CFAP61: variants seen among roughly 807,000 people sequenced by gnomAD.
The protein encoded by CFAP61 is cilia- and flagella-associated protein 61.
A neutral mutation model predicts 135.6 loss-of-function variants in CFAP61; 107 were observed. That is an observed-to-expected ratio of 0.79 (90% CI 0.67 to 0.93). The LOEUF (loss-of-function observed/expected upper bound fraction) is 0.93. CFAP61 is among the 40% of genes least tolerant of loss of function. CFAP61 has a pLI of 0.00. For missense variants in CFAP61, 1,507 were observed against 1,556.2 expected (o/e 0.97, Z 0.53); for synonymous variants, 575 against 578.5 (o/e 0.99, Z 0.09).
intron 18 of CFAP61, among the ~76,000 whole-genome samples, chr20:20,230,614 G>GCAATCT (rs2049057814): frequency 6.6e-6 from 1 of 152,122 alleles, no homozygotes; most frequent in South Asian, 2.1e-4. Flanking sequence ...AGTGTATGGA[G>GCAATCT]CAATCTCGGT....
chr20:20,352,340 G>T (rs1306683283), intron 26 of CFAP61, among the ~76,000 whole-genome samples: 1 of 151,806 alleles, frequency 6.6e-6, no homozygotes, highest in Non-Finnish European at 1.5e-5. Context: ...CCACTATCAT[G>T]AGGACAGCAT....
At chr20:20,338,662 C>G (rs548345974) in intron 25 of CFAP61, among the ~76,000 whole-genome samples, 1 of 152,328 alleles carries the variant, frequency 6.6e-6, no homozygotes, top group African/African-American at 2.4e-5. Flanking sequence ...TACCACTTCT[C>G]TTTCCCCGTA....
intron 8 of CFAP61, among the ~76,000 whole-genome samples, chr20:20,105,553 G>A (rs530410583): frequency 6.6e-6 from 1 of 152,160 alleles, no homozygotes; most frequent in Non-Finnish European, 1.5e-5. Flanking sequence ...GACAGTGGCA[G>A]CAAAGTCGGC....
chr20:20,287,565 G>C (rs904133547), intron 22 of CFAP61, among the ~76,000 whole-genome samples: 7 of 152,160 alleles, frequency 4.6e-5, no homozygotes, highest in Non-Finnish European at 1.0e-4. Flanking sequence ...TCATGGGTGT[G>C]GGGCAGGAAT....
rs146175127 is a variant in CFAP61, at chr20:20,145,198, G to A, written c.951+2250G>A. Among the ~76,000 whole-genome samples the A allele has an allele frequency of 5.7e-3, 866 of 152,104 alleles. 11 individuals carry two copies. The highest frequency in any genetic ancestry group is 0.02 in the African/African-American group (818 of 41,510). On this transcript the variant is annotated intron_variant, in intron 9 of 26. Coordinates refer to ENST00000245957, the MANE Select transcript of CFAP61 (RefSeq NM_015585.4). Reference sequence around the variant, plus strand: ...TGACTTCACAAACAAAAATAGCGCCGGGTTTATAACATATGTAAAAATAAA... The same window carrying A: ...TGACTTCACAAACAAAAATAGCGCCAGGTTTATAACATATGTAAAAATAAA...
intron 25 of CFAP61, among the ~76,000 whole-genome samples, chr20:20,325,883 T>A (rs1198494291): frequency 6.6e-6 from 1 of 152,244 alleles, no homozygotes; most frequent in Admixed American, 6.5e-5. Flanking sequence ...TTTGGTGTTG[T>A]TAATGTTTTA....
chr20:20,219,221 G>T (rs543753853), intron 17 of CFAP61, among the ~76,000 whole-genome samples: 1 of 152,234 alleles, frequency 6.6e-6, no homozygotes, highest in Non-Finnish European at 1.5e-5. Context: ...CTGTTTTGTA[G>T]GTTGGATGCT....
At chr20:20,204,124 T>C (rs4814962) in intron 17 of CFAP61, among the ~76,000 whole-genome samples, 1 of 151,952 alleles carries the variant, frequency 6.6e-6, no homozygotes, top group African/African-American at 2.4e-5. Context: ...CTTGGTTTAT[T>C]GTGTTCATAG....
At chr20:20,172,937 C>T (rs2054333494) in intron 13 of CFAP61, among the ~76,000 whole-genome samples, 1 of 152,232 alleles carries the variant, frequency 6.6e-6, no homozygotes, top group African/African-American at 2.4e-5. Flanking sequence ...TGTGCTCTGT[C>T]TGTTCGTCCC....
At chr20:20,312,462 T>A (rs2056887153) in intron 25 of CFAP61, among the ~76,000 whole-genome samples, 1 of 151,902 alleles carries the variant, frequency 6.6e-6, no homozygotes, top group Non-Finnish European at 1.5e-5. Context: ...CTGCCCAAAA[T>A]AAAACACACA....
rs1405224047 is a variant in CFAP61 at position 20,360,226 on chromosome 20, C to A, written c.3530C>A (p.Ser1177Tyr). ...GTTTTACAGGAGGAAGATCTTCCTT[C>A]CATAGAGCAGTTAGCCCATCAAATA... ...LASKEEEDLP[S>Y]IEQLAHQIED... The change falls in exon 27 of 27, where the codon TCC becomes TAC. Residue 1177 changes from serine to tyrosine, a missense_variant. Physicochemically the swap from Ser to Tyr is moderately radical, Grantham distance 144. Transcript: ENST00000245957. 1 of 1,613,616 alleles carries A rather than the reference C, an allele frequency of 6.2e-7. No homozygotes were observed. The highest frequency in any genetic ancestry group is 8.5e-7 in the Non-Finnish European group (1 of 1,179,654).
chr20:20,117,742 G>A (rs2049260748), intron 8 of CFAP61, among the ~76,000 whole-genome samples: 1 of 151,994 alleles, frequency 6.6e-6, no homozygotes, highest in Admixed American at 6.6e-5. Flanking sequence ...ATTTTTGTAT[G>A]TATGTGTCCT....
chr20:20,142,211 C>G (rs2051459003), intron 8 of CFAP61, among the ~76,000 whole-genome samples: 1 of 152,094 alleles, frequency 6.6e-6, no homozygotes, highest in Non-Finnish European at 1.5e-5. Flanking sequence ...CCTAAGCTAC[C>G]CTGATTATTG....
intron 20 of CFAP61, among the ~76,000 whole-genome samples, chr20:20,257,482 G>C (rs1391474360): frequency 6.6e-6 from 1 of 152,018 alleles, no homozygotes; most frequent in Admixed American, 6.6e-5. Context: ...AGGTGTGGTG[G>C]CAGGGTCTTG....
chr20:20,088,849 T>TAA (rs1474404028), intron 6 of CFAP61, among the ~76,000 whole-genome samples: 2 of 152,214 alleles, frequency 1.3e-5, no homozygotes, highest in African/African-American at 4.8e-5. Context: ...TCAAGATACT[T>TAA]ACTGTTTTTA....
chr20:20,142,736 A>T, intron 8 of CFAP61, 121 bp from the exon 9 acceptor site: 2 of 656,058 alleles, frequency 3.0e-6, no homozygotes, highest in Admixed American at 5.2e-5. Flanking sequence ...ACTGCTCTCT[A>T]GAATAAAATT....
chr20:20,226,836 A>C (rs2048769978), intron 17 of CFAP61, among the ~76,000 whole-genome samples: 1 of 152,230 alleles, frequency 6.6e-6, no homozygotes, highest in Non-Finnish European at 1.5e-5. Flanking sequence ...GTTTACGTGA[A>C]TCAGAGTCCC....
chr20:20,255,852 C>T (rs1014876717), intron 20 of CFAP61, among the ~76,000 whole-genome samples: 1 of 152,182 alleles, frequency 6.6e-6, no homozygotes, highest in East Asian at 1.9e-4. Context: ...TCTGGGCAGC[C>T]TTGTGACTGC....
chr20:20,265,610 C>T, intron 21 of CFAP61: 4 of 711,834 alleles, frequency 5.6e-6, no homozygotes, highest in Non-Finnish European at 1.0e-5. Context: ...AATTAGTTTC[C>T]TGTCTTACAT....
Sources: allele counts gnomAD v4.1 joint callset (sites outside exome capture counted in the v4.1 genomes callset), GRCh38; gene constraint gnomAD v4.1.1; transcripts MANE v1.5; gene names NCBI Gene and HGNC (gene_info 2026-07-23, HGNC 2026-07-21).